Variants in DYNC2H1 observed in about 807,000 individuals in gnomAD.
The protein encoded by DYNC2H1 is dynein cytoplasmic 2 heavy chain 1, also known as cytoplasmic dynein 2 heavy chain 1.
In DYNC2H1, 410 loss-of-function variants were observed where a neutral mutation model predicts 570.0. The ratio of observed to expected loss-of-function variants is 0.72; its 90% CI spans 0.66 to 0.78. The LOEUF (loss-of-function observed/expected upper bound fraction) is 0.78. Among genes scored for constraint, DYNC2H1 ranks in the 30% least tolerant of loss-of-function variants. The probability of loss-of-function intolerance (pLI) is 0.00; values close to 1 mark genes in which losing one functional copy is unlikely to be tolerated. For missense variants in DYNC2H1, 4,865 were observed against 5,046.4 expected (o/e 0.96, Z 1.09); for synonymous variants, 1,688 against 1,677.6 (o/e 1.01, Z -0.15).
chr11:103,355,611 T>C (rs970157973), intron 82 of DYNC2H1, among the ~76,000 whole-genome samples: 1 of 152,206 alleles, frequency 6.6e-6, no homozygotes, highest in East Asian at 1.9e-4. Context: ...TCAGGAAACA[T>C]AGGTGTTCCT....
rs999857395 is a variant in DYNC2H1, at chr11:103,204,694, A to G, written c.8312-128A>G. ...TAACTAAAATAAAAATCATAACATA[A>G]TATTGTTTTATATTGTGCTCGTTTT... is the stretch of plus-strand genomic sequence containing the variant. On this transcript the variant is annotated intron_variant, in intron 51 of 88. Coordinates refer to ENST00000375735, the MANE Select transcript of DYNC2H1 (RefSeq NM_001377.3). This position sits in a 1 kb window ranked among gnomAD's most constrained non-coding sequence, Gnocchi z 4.1. 6 of 580,780 alleles carry G rather than the reference A, an allele frequency of 1.0e-5. No individual in the cohort carries two copies. The highest frequency in any genetic ancestry group is 9.8e-5 in the African/African-American group (5 of 50,842). 36.0% of individuals were successfully genotyped at this position (580,780 alleles called of 1,614,324 possible). A position where few individuals can be genotyped will look rare whatever the true frequency, so the allele number is the denominator to read the frequency against.
At chr11:103,123,847 T>G (rs1271218071) in intron 11 of DYNC2H1, among the ~76,000 whole-genome samples, 1 of 151,942 alleles carries the variant, frequency 6.6e-6, no homozygotes, top group Non-Finnish European at 1.5e-5. Flanking sequence ...TTAGACCCAT[T>G]TTTTGTCCCA....
chr11:103,435,367 C>A (rs1337182611), intron 84 of DYNC2H1, among the ~76,000 whole-genome samples: 2 of 152,112 alleles, frequency 1.3e-5, no homozygotes, highest in African/African-American at 4.8e-5. Context: ...ATGAACATGA[C>A]CTTACAAGAA....
intron 82 of DYNC2H1, among the ~76,000 whole-genome samples, chr11:103,332,720 G>A (rs540288532): frequency 6.6e-6 from 1 of 152,292 alleles, no homozygotes; most frequent in East Asian, 1.9e-4. Flanking sequence ...AGTCTTTCTC[G>A]GCTGGGCACA....
chr11:103,421,848 T>C (rs12295120), intron 84 of DYNC2H1, among the ~76,000 whole-genome samples: 3 of 150,196 alleles, frequency 2.0e-5, no homozygotes, highest in African/African-American at 7.3e-5. Context: ...GACAAGAAAT[T>C]ACCGAGATCA....
chr11:103,194,637 A>G (rs952643188), intron 47 of DYNC2H1, among the ~76,000 whole-genome samples: 13 of 152,108 alleles, frequency 8.5e-5, no homozygotes, highest in African/African-American at 3.1e-4. Flanking sequence ...GTGAACTTGA[A>G]CATCTTTTTG....
chr11:103,320,939 A>AT, intron 80 of DYNC2H1, 90 bp from the exon 81 acceptor site: 1 of 936,090 alleles, frequency 1.1e-6, no homozygotes, highest in Non-Finnish European at 1.6e-6. Context: ...TATTAAATAC[A>AT]TTTGGCTACA....
intron 54 of DYNC2H1, among the ~76,000 whole-genome samples, chr11:103,212,821 T>G (rs956131540): frequency 2.0e-5 from 3 of 152,150 alleles, no homozygotes; most frequent in Non-Finnish European, 4.4e-5. Context: ...TGGGGAGGGT[T>G]AATTTCCTGA....
At chr11:103,191,681 T>C in intron 46 of DYNC2H1, 62 bp downstream of exon 46, 1 of 978,196 alleles carries the variant, frequency 1.0e-6, no homozygotes, top group Non-Finnish European at 1.4e-6. Context: ...TTCTCTAGAT[T>C]GTATTTGTAA....
chr11:103,225,171 A>T (rs1195692197), intron 59 of DYNC2H1, among the ~76,000 whole-genome samples: 1 of 151,394 alleles, frequency 6.6e-6, no homozygotes, highest in African/African-American at 2.4e-5. Flanking sequence ...GGATGTATAG[A>T]TTGTGAAGAT....
rs901132938 is a variant in DYNC2H1 at position 103,319,961 on chromosome 11, A to C, written c.11726-1068A>C. ...TAGGTCCCCTTATCCTGCAGGAGGC[A>C]ACCTAAATCCCTTATGTTCCAAGGC... On this transcript the variant is annotated intron_variant, in intron 80 of 88. Transcript: ENST00000375735. This position sits in a 1 kb window ranked among gnomAD's most constrained non-coding sequence, Gnocchi z 4.3. Among the ~76,000 whole-genome samples, 3 of 152,192 alleles carry C rather than the reference A, an allele frequency of 2.0e-5. No homozygotes were observed. Among genetic ancestry groups the C allele is most frequent in the African/African-American group, 7.2e-5 (3 of 41,440 alleles).
Position 103,268,177 on chromosome 11 carries a change from CT to C in DYNC2H1, c.10695+8205del, listed in dbSNP as rs1307518836. Among the ~76,000 whole-genome samples, 4 of 151,926 alleles carry C rather than the reference CT, an allele frequency of 2.6e-5. No homozygotes were observed. Among genetic ancestry groups the C allele is most frequent in the Non-Finnish European group, 5.9e-5 (4 of 67,900 alleles). On this transcript the variant is annotated intron_variant, in intron 70 of 88. Transcript: ENST00000375735. This position sits in a 1 kb window ranked among gnomAD's most constrained non-coding sequence, Gnocchi z 4.6. ...TATTAGCAGATTGCTTTCTGAAAAG[CT>C]TTTTACCAGTTAATATCTCTACCCA...
In DYNC2H1 at chr11:103,121,100, C is replaced by T. The variant is rs1003414252; in HGVS notation, c.1360+64C>T. The T allele has an allele frequency of 3.5e-5, 37 of 1,043,300 alleles. No individual in the cohort carries two copies. In the South Asian group the frequency reaches 4.7e-4, roughly 13 times the overall value. The allele number at this position is 1,043,300 out of a possible 1,614,324, so 64.6% of individuals were successfully genotyped here. On this transcript the variant is annotated intron_variant, in intron 9 of 88. Transcript: ENST00000375735. Reference sequence around the variant, plus strand: ...TATTTTTGTATATTACTTTTTTCTTCGTTGCATACCATTTAGGATTAAAGA... The same window carrying T: ...TATTTTTGTATATTACTTTTTTCTTTGTTGCATACCATTTAGGATTAAAGA...
At position 103,280,308 on chromosome 11, in the gene DYNC2H1, A is replaced by C; in HGVS notation, c.10696-40A>C. 6.5e-7 allele frequency: 1 copy of C among 1,546,218 alleles called. No individual in the cohort carries two copies. Among genetic ancestry groups the C allele is most frequent in the Non-Finnish European group, 8.7e-7 (1 of 1,143,344 alleles). ...ACGACTATGCTTTTCCAAAGACACA[A>C]ATTTTTAAAAGGCAAGATAATATCT... On this transcript the variant is annotated intron_variant, in intron 70 of 88. Coordinates refer to ENST00000375735, the MANE Select transcript of DYNC2H1 (RefSeq NM_001377.3). The surrounding 1 kb of genome is among the most constrained non-coding windows in gnomAD (Gnocchi z 4.7).
At chr11:103,468,950 G>A (rs907305925) in intron 88 of DYNC2H1, among the ~76,000 whole-genome samples, 1 of 152,068 alleles carries the variant, frequency 6.6e-6, no homozygotes, top group African/African-American at 2.4e-5. Flanking sequence ...TTTATAGCCT[G>A]GTAATAAAAA....
At chr11:103,230,525 G>A (rs923663701) in intron 59 of DYNC2H1, among the ~76,000 whole-genome samples, 6 of 152,098 alleles carry the variant, frequency 3.9e-5, no homozygotes, top group African/African-American at 9.7e-5. Context: ...TTTTATTAGC[G>A]GTAGTCAGCT....
In DYNC2H1 at chr11:103,241,446, C is replaced by T. The variant is rs1239465197; in HGVS notation, c.9820-2247C>T. The T allele has an allele frequency of 3.9e-6, 5 of 1,273,424 alleles. No homozygotes were observed. Among genetic ancestry groups the T allele is most frequent in the Middle Eastern group, 4.7e-4 (2 of 4,240 alleles). The allele number at this position is 1,273,424 out of a possible 1,614,324, so 78.9% of individuals were successfully genotyped here. On this transcript the variant is annotated intron_variant, in intron 63 of 88. Coordinates refer to ENST00000375735, the MANE Select transcript of DYNC2H1 (RefSeq NM_001377.3). This position sits in a 1 kb window ranked among gnomAD's most constrained non-coding sequence, Gnocchi z 5.1. ...AAGATGACAACAAACTTTTAAGTAC[C>T]CTTTGAAAAACTTAAGCATGTTTTC... is the stretch of plus-strand genomic sequence containing the variant.
chr11:103,383,483 T>TTA (rs5794230), intron 83 of DYNC2H1, among the ~76,000 whole-genome samples: 58,371 of 140,474 alleles, frequency 0.42, 13,704 homozygotes, highest in Non-Finnish European at 0.54. Context: ...TCTTTATTTT[T>TTA]TTTTTTTTGA....
chr11:103,268,347 T>C lies in DYNC2H1; in HGVS notation c.10695+8370T>C, dbSNP rs12280265. Among the ~76,000 whole-genome samples, 5,791 of 152,094 alleles carry C rather than the reference T, an allele frequency of 0.038. 365 individuals carry two copies. Among genetic ancestry groups the C allele is most frequent in the African/African-American group, 0.13 (5,507 of 41,532 alleles). On this transcript the variant is annotated intron_variant, in intron 70 of 88. Coordinates refer to ENST00000375735, the MANE Select transcript of DYNC2H1 (RefSeq NM_001377.3). This position sits in a 1 kb window ranked among gnomAD's most constrained non-coding sequence, Gnocchi z 4.6. ...GTTGTTTATTTCTACCTTCTTCCCTTACCTTGTCATATTCATCTGTTTTCT... is the reference window on the plus strand; with the variant it reads ...GTTGTTTATTTCTACCTTCTTCCCTCACCTTGTCATATTCATCTGTTTTCT...
Sources: allele counts gnomAD v4.1 joint callset (sites outside exome capture counted in the v4.1 genomes callset), GRCh38; gene constraint gnomAD v4.1.1; non-coding constraint Gnocchi (gnomAD v3.1); transcripts MANE v1.5; gene names NCBI Gene and HGNC (gene_info 2026-07-23, HGNC 2026-07-21).